The following NCOA2 variants were observed in gnomAD, a reference collection of about 807,000 sequenced individuals.
NCOA2 encodes class E basic helix-loop-helix protein 75.
A neutral mutation model predicts 145.1 loss-of-function variants in NCOA2; 21 were observed. That is an observed-to-expected ratio of 0.14 (90% confidence interval 0.10 to 0.21). The LOEUF (loss-of-function observed/expected upper bound fraction) is 0.21. Among genes scored for constraint, NCOA2 ranks in the 10% least tolerant of loss-of-function variants. NCOA2 has a pLI of 1.00. For missense variants in NCOA2, 1,472 were observed against 1,837.6 expected (o/e 0.80, Z 3.64); for synonymous variants, 619 against 637.5 (o/e 0.97, Z 0.44).
chr8:70,377,023 CGAT>C (rs1293798634), intron 1 of NCOA2, among the ~76,000 whole-genome samples: 1 of 151,116 alleles, frequency 6.6e-6, no homozygotes, highest in African/African-American at 2.4e-5. Flanking sequence ...CCACAGATGA[CGAT>C]GATGGCTTTT....
chr8:70,326,429 TCACACACACA>T (rs56218328), intron 1 of NCOA2, among the ~76,000 whole-genome samples: 1 of 149,140 alleles, frequency 6.7e-6, no homozygotes, highest in East Asian at 2.0e-4. Context: ...TTTCTCTCTC[TCACACACACA>T]CACACACACA....
intron 1 of NCOA2, among the ~76,000 whole-genome samples, chr8:70,335,935 A>G (rs1469148948): frequency 6.6e-6 from 1 of 152,200 alleles, no homozygotes; most frequent in Non-Finnish European, 1.5e-5. Context: ...CTAAATATAT[A>G]TAAACAAAGA....
chr8:70,409,396 C>G, the NCOA2 span, among the ~76,000 whole-genome samples: 1 of 152,046 alleles, frequency 6.6e-6, no homozygotes, highest in African/African-American at 2.4e-5. Context: ...CAGAAATAGG[C>G]CCCCAAACTT....
Position 70,219,801 on chromosome 8 carries a change from G to A in NCOA2, c.-19-3037C>T, listed in dbSNP as rs572771563. Among the ~76,000 whole-genome samples the A allele has an allele frequency of 3.3e-4, 50 of 152,280 alleles. 1 individual carries two copies. Among genetic ancestry groups the A allele is most frequent in the African/African-American group, 1.2e-3 (48 of 41,556 alleles). On this transcript the variant is annotated intron_variant, in intron 2 of 22. Transcript: ENST00000452400. Reference sequence around the variant, plus strand: ...CTCATGAATGAGGTGCTCTAACCTAGTGGACTGTCTGATATTTCTAATGCT... The same window carrying A: ...CTCATGAATGAGGTGCTCTAACCTAATGGACTGTCTGATATTTCTAATGCT...
At chr8:70,386,665 C>G in intron 1 of NCOA2, among the ~76,000 whole-genome samples, 1 of 151,986 alleles carries the variant, frequency 6.6e-6, no homozygotes, top group East Asian at 1.9e-4. Context: ...TTAACTAATG[C>G]CGTTCAATCT....
rs78919356 is a variant in NCOA2 at position 70,201,809 on chromosome 8, A to G, written c.259+12094T>C. On this transcript the variant is annotated intron_variant, in intron 4 of 22. Transcript: ENST00000452400. ...CGCAAGAAATACTCTTTAGGGGGAC[A>G]TGAGAAACGACTGAAATGAGGCAAA... Among the ~76,000 whole-genome samples, 138 of 152,344 alleles carry G rather than the reference A, an allele frequency of 9.1e-4. 3 individuals carry two copies. In the East Asian group the frequency reaches 0.016, roughly 17 times the overall value.
intron 1 of NCOA2, among the ~76,000 whole-genome samples, chr8:70,371,850 G>C (rs1030597162): frequency 6.6e-6 from 1 of 152,118 alleles, no homozygotes; most frequent in Non-Finnish European, 1.5e-5. Context: ...TCTCTTAAGA[G>C]AGCTATTTTA....
chr8:70,132,247 C>T (rs200058829), intron 15 of NCOA2, among the ~76,000 whole-genome samples: 1 of 152,220 alleles, frequency 6.6e-6, no homozygotes, highest in Non-Finnish European at 1.5e-5. Flanking sequence ...GGTCCCACTT[C>T]ACGGCTGGCA....
At chr8:70,267,563 A>AATTTTTT (rs566163246) in intron 2 of NCOA2, among the ~76,000 whole-genome samples, 4 of 151,808 alleles carry the variant, frequency 2.6e-5, no homozygotes, top group African/African-American at 9.7e-5. Context: ...ATGCCCGGCT[A>AATTTTTT]ATTTTTTATT....
intron 2 of NCOA2, among the ~76,000 whole-genome samples, chr8:70,240,584 G>A (rs1189389635): frequency 4.6e-5 from 7 of 152,152 alleles, no homozygotes; most frequent in Non-Finnish European, 7.4e-5. Context: ...AGAGGGTTCC[G>A]AAGTGCCAGA....
intron 1 of NCOA2, among the ~76,000 whole-genome samples, chr8:70,376,000 T>A (rs1246126433): frequency 6.6e-6 from 1 of 152,208 alleles, no homozygotes; most frequent in African/African-American, 2.4e-5. Flanking sequence ...ATTTTATTCA[T>A]TATTATTTTC....
intron 1 of NCOA2, among the ~76,000 whole-genome samples, chr8:70,345,443 G>A (rs1414223361): frequency 6.6e-6 from 1 of 152,004 alleles, no homozygotes; most frequent in African/African-American, 2.4e-5. Context: ...GGGGTCTGAG[G>A]GATTACAAAA....
At chr8:70,323,396 G>T (rs1185980284) in intron 1 of NCOA2, among the ~76,000 whole-genome samples, 1 of 152,132 alleles carries the variant, frequency 6.6e-6, no homozygotes, top group Non-Finnish European at 1.5e-5. Flanking sequence ...TTACAATTTG[G>T]ATGTTGAATG....
chr8:70,393,818 T>C (rs535992167), intron 1 of NCOA2, among the ~76,000 whole-genome samples: 8 of 152,352 alleles, frequency 5.3e-5, no homozygotes, highest in African/African-American at 1.9e-4. Flanking sequence ...GTGAGAATGC[T>C]GCTATTGATT....
chr8:70,140,758 A>T (rs1481946653), intron 14 of NCOA2, among the ~76,000 whole-genome samples: 6 of 151,658 alleles, frequency 4.0e-5, no homozygotes, highest in African/African-American at 1.5e-4. Context: ...CACCACACCC[A>T]GCTAATTTTT....
At chr8:70,306,705 G>A (rs1483946507) in intron 1 of NCOA2, among the ~76,000 whole-genome samples, 1 of 151,912 alleles carries the variant, frequency 6.6e-6, no homozygotes, top group Non-Finnish European at 1.5e-5. Context: ...AAGGCGAAAC[G>A]TCGTCTCTAC....
At chr8:70,274,095 C>T (rs1454324214) in intron 2 of NCOA2, among the ~76,000 whole-genome samples, 1 of 151,676 alleles carries the variant, frequency 6.6e-6, no homozygotes, top group Non-Finnish European at 1.5e-5. Context: ...CAAAGGTTAA[C>T]GAAGTTCTTT....
the NCOA2 span, among the ~76,000 whole-genome samples, chr8:70,445,592 A>C: frequency 5.3e-5 from 8 of 152,064 alleles, no homozygotes; most frequent in Non-Finnish European, 8.8e-5. Flanking sequence ...GTGTTGCCCC[A>C]AGACCCCCCA....
At chr8:70,317,450 G>A (rs997493782) in intron 1 of NCOA2, among the ~76,000 whole-genome samples, 3 of 152,158 alleles carry the variant, frequency 2.0e-5, no homozygotes, top group Non-Finnish European at 4.4e-5. Flanking sequence ...CAACACTGTG[G>A]CATTTCCCTC....
Sources: allele counts gnomAD v4.1 joint callset (sites outside exome capture counted in the v4.1 genomes callset), GRCh38; gene constraint gnomAD v4.1.1; transcripts MANE v1.5; gene names NCBI Gene and HGNC (gene_info 2026-07-23, HGNC 2026-07-21).